The following ZNF583 variants were observed in gnomAD, a reference collection of about 807,000 sequenced individuals.
ZNF583 encodes the protein zinc finger protein L3-5.
A neutral mutation model predicts 55.3 loss-of-function variants in ZNF583; 30 were observed. The ratio of observed to expected loss-of-function variants is 0.54; its 90% CI spans 0.41 to 0.74. The LOEUF is 0.74. ZNF583 is among the 30% of genes least tolerant of loss of function. The pLI, the probability that ZNF583 is intolerant of heterozygous loss-of-function variation, is 0.00. For synonymous variants in ZNF583, 208 were observed against 220.0 expected, an observed-to-expected ratio of 0.95 and a Z score of 0.48; for missense variants, 504 against 664.7, an observed-to-expected ratio of 0.76 and a Z score of 2.66.
At chr19:56,420,616 ATTTC>A (rs1295604161) in intron 4 of ZNF583, among the ~76,000 whole-genome samples, 3 of 152,120 alleles carry the variant, frequency 2.0e-5, no homozygotes, top group African/African-American at 7.2e-5. Context: ...ATTAAAGATT[ATTTC>A]TTTCTGATGA....
chr19:56,421,421 CT>C lies in ZNF583; in HGVS notation c.233-1465del, dbSNP rs1314450398. The C allele has an allele frequency of 7.1e-6, 7 of 982,500 alleles. No individual in the cohort carries two copies. In the African/African-American group the frequency reaches 1.2e-4, roughly 17 times the overall value. The allele number at this position is 982,500 out of a possible 1,614,324, so 60.9% of individuals were successfully genotyped here. On this transcript the variant is annotated intron_variant, in intron 4 of 4. Transcript: ENST00000333201. ...CTTCAGAATTTAATTTTCATGTTGA[CT>C]TTTTATAGGGCATTCATGGGTGTGA...
chr19:56,413,411 T>G (rs528509143), intron 2 of ZNF583, among the ~76,000 whole-genome samples: 1 of 152,322 alleles, frequency 6.6e-6, no homozygotes, highest in South Asian at 2.1e-4. Flanking sequence ...TGTTTACTGT[T>G]TCTATTATAT....
chr19:56,413,209 G>A (rs529369086), intron 2 of ZNF583, among the ~76,000 whole-genome samples: 21 of 152,266 alleles, frequency 1.4e-4, no homozygotes, highest in African/African-American at 4.8e-4. Context: ...TAAAAAATAC[G>A]TGAGATACCT....
At chr19:56,415,922 T>G (rs1380739678) in intron 4 of ZNF583, among the ~76,000 whole-genome samples, 1 of 152,224 alleles carries the variant, frequency 6.6e-6, no homozygotes, top group Non-Finnish European at 1.5e-5. Flanking sequence ...CCTTTTCATT[T>G]AGGTTATCAG....
At position 56,427,175 on chromosome 19, in the gene ZNF583, C is replaced by T. The variant is rs1372488532; in HGVS notation, c.*2807C>T. On this transcript the variant is annotated 3_prime_UTR_variant, in exon 5 of 5. Transcript: ENST00000333201. ...GACATGATGAAAAGCCTCTTGAAGC[C>T]TTTGTATGTGAAAGTTATGTCAGTA... 6.6e-6 allele frequency: 1 copy of T among 152,054 alleles called. No homozygotes were observed. The highest frequency in any genetic ancestry group is 1.5e-5 in the Non-Finnish European group (1 of 68,022). 9.4% of individuals were successfully genotyped at this position (152,054 alleles called of 1,614,324 possible).
At position 56,423,996 on chromosome 19, in the gene ZNF583, C is replaced by T; in HGVS notation, c.1338C>T (p.Ser446=). The T allele has an allele frequency of 6.2e-7, 1 of 1,614,004 alleles. No individual in the cohort carries two copies. Among genetic ancestry groups the T allele is most frequent in the Non-Finnish European group, 8.5e-7 (1 of 1,179,986 alleles). ...GTATTGAATGTGGGAAGGCCTTTAG[C>T]AATAGTTCATCACTTGCACAACATC... ...YECIECGKAF[S]NSSSLAQHQR... The change falls in exon 5 of 5, where the codon AGC becomes AGT. Residue 446 remains serine, a synonymous_variant. Coordinates refer to ENST00000333201, the MANE Select transcript of ZNF583 (RefSeq NM_152478.3).
At chr19:56,408,862 CT>C (rs2042195690) in intron 2 of ZNF583, among the ~76,000 whole-genome samples, 1 of 152,166 alleles carries the variant, frequency 6.6e-6, no homozygotes, top group Non-Finnish European at 1.5e-5. Flanking sequence ...CAGGTCCTGG[CT>C]TTCCTAGACC....
Position 56,424,690 on chromosome 19 carries a change from C to T in ZNF583, c.*322C>T, listed in dbSNP as rs767043684. The stretch of plus-strand genomic sequence containing the variant: ...CAAAGTTTCTATCTTGTGTCACTAT[C>T]CATCTCATTCTCTGAATACTTATCC... On this transcript the variant is annotated 3_prime_UTR_variant, in exon 5 of 5. Transcript: ENST00000333201. The T allele has an allele frequency of 1.4e-5, 3 of 221,782 alleles. No individual in the cohort carries two copies. Among genetic ancestry groups the T allele is most frequent in the Non-Finnish European group, 2.7e-5 (3 of 111,136 alleles). 13.7% of individuals were successfully genotyped at this position (221,782 alleles called of 1,614,324 possible). A position where few individuals can be genotyped will look rare whatever the true frequency, so the allele number is the denominator to read the frequency against.
intron 2 of ZNF583, 123 bp from the exon 3 acceptor site, chr19:56,413,836 T>C (rs578152782): frequency 2.2e-6 from 3 of 1,346,952 alleles, no homozygotes; most frequent in Non-Finnish European, 3.1e-6. Flanking sequence ...CCTAAGATAC[T>C]GTCAGAAAGT....
Position 56,407,015 on chromosome 19 carries a change from T to A in ZNF583, c.-89-11T>A. ...AGGCCTGGCATTTTATGGTTTCTTT[T>A]CCTTCTCCAGCTCGACTTTCTCAGG... On this transcript the variant is annotated splice_polypyrimidine_tract_variant and intron_variant, in intron 1 of 4. Transcript: ENST00000333201. 1 of 1,435,728 alleles carries A rather than the reference T, an allele frequency of 7.0e-7. No individual in the cohort carries two copies. Among genetic ancestry groups the A allele is most frequent in the Non-Finnish European group, 9.7e-7 (1 of 1,035,628 alleles). The allele number at this position is 1,435,728 out of a possible 1,614,324, so 88.9% of individuals were successfully genotyped here. A position where few individuals can be genotyped will look rare whatever the true frequency, so the allele number is the denominator to read the frequency against.
intron 2 of ZNF583, among the ~76,000 whole-genome samples, chr19:56,412,590 T>G (rs1336844364): frequency 6.6e-6 from 1 of 152,186 alleles, no homozygotes; most frequent in Non-Finnish European, 1.5e-5. Context: ...TTACTATTAT[T>G]TTGTCTCATG....
intron 4 of ZNF583, among the ~76,000 whole-genome samples, chr19:56,420,702 G>A (rs1285334602): frequency 6.6e-6 from 1 of 152,050 alleles, no homozygotes; most frequent in African/African-American, 2.4e-5. Flanking sequence ...TATCTGACGT[G>A]AATATAGTTA....
chr19:56,421,154 C>G (rs993899405), intron 4 of ZNF583, among the ~76,000 whole-genome samples: 4 of 152,114 alleles, frequency 2.6e-5, no homozygotes, highest in African/African-American at 9.7e-5. Flanking sequence ...TCCACTAACT[C>G]AATCAAAAAC....
At chr19:56,407,263 C>A in intron 2 of ZNF583, 140 bp downstream of exon 2, 1 of 956,528 alleles carries the variant, frequency 1.0e-6, no homozygotes, top group Non-Finnish European at 1.6e-6. Flanking sequence ...TCTTGCTTTC[C>A]AGTAAAAGTC....
intron 2 of ZNF583, among the ~76,000 whole-genome samples, chr19:56,411,145 C>T (rs2042231813): frequency 6.6e-6 from 1 of 151,486 alleles, no homozygotes; most frequent in Non-Finnish European, 1.5e-5. Context: ...AAAAAATTAC[C>T]TGTGCCTGGT....
upstream of ZNF583, chr19:56,404,198 G>C (rs1334262155): frequency 3.3e-5 from 5 of 152,492 alleles, no homozygotes; most frequent in African/African-American, 9.6e-5. This position sits in a 1 kb window ranked among gnomAD's most constrained non-coding sequence, Gnocchi z 5.2. Context: ...ACTAGGGAAA[G>C]GGGCGCAGCA....
rs756311112 is a variant in ZNF583 at position 56,405,284 on chromosome 19, T to C, written c.-90+832T>C. ...AGGGAGATGGTGTGACTTAGCACTGTATGTCATCCCGACAGTGAGTGTGAC... is the reference window on the plus strand; with the variant it reads ...AGGGAGATGGTGTGACTTAGCACTGCATGTCATCCCGACAGTGAGTGTGAC... On this transcript the variant is annotated intron_variant, in intron 1 of 4. Transcript: ENST00000333201. 9.2e-4 allele frequency among the ~76,000 whole-genome samples: 140 copies of C among 152,200 alleles called. 6 individuals carry two copies. The highest frequency in any genetic ancestry group is 6.0e-4 in the Non-Finnish European group (41 of 68,032).
intron 2 of ZNF583, among the ~76,000 whole-genome samples, chr19:56,411,058 A>T (rs562114691): frequency 5.8e-4 from 88 of 151,618 alleles, no homozygotes; most frequent in African/African-American, 2.0e-3. Flanking sequence ...AGGCCCAGGC[A>T]GGAGGATCCC....
Position 56,414,340 on chromosome 19 carries a change from A to G in ZNF583, c.137-5A>G. The G allele has an allele frequency of 2.5e-6, 4 of 1,614,032 alleles. No homozygotes were observed. The highest frequency in any genetic ancestry group is 3.4e-6 in the Non-Finnish European group (4 of 1,179,954). On this transcript the variant is annotated splice_region_variant and splice_polypyrimidine_tract_variant and intron_variant, in intron 3 of 4. Coordinates refer to ENST00000333201, the MANE Select transcript of ZNF583 (RefSeq NM_152478.3). ...CCTAATTCCCCTTTTGTTTTTTGTAAGCAGGAGTTTCTGTTTCTAAGCCAG... is the reference window on the plus strand; with the variant it reads ...CCTAATTCCCCTTTTGTTTTTTGTAGGCAGGAGTTTCTGTTTCTAAGCCAG...
Sources: allele counts gnomAD v4.1 joint callset (sites outside exome capture counted in the v4.1 genomes callset), GRCh38; gene constraint gnomAD v4.1.1; non-coding constraint Gnocchi (gnomAD v3.1); transcripts MANE v1.5; gene names NCBI Gene and HGNC (gene_info 2026-07-23, HGNC 2026-07-21).